HSP90AA1: variants seen among roughly 807,000 people sequenced by gnomAD.
The protein encoded by HSP90AA1 is heat shock protein 90 alpha family class A member 1.
A neutral mutation model predicts 73.3 loss-of-function variants in HSP90AA1; 18 were observed. That is an observed-to-expected ratio of 0.25 (90% confidence interval 0.17 to 0.36). The LOEUF is 0.36. HSP90AA1 is among the 10% of genes least tolerant of loss of function. The pLI, the probability that HSP90AA1 is intolerant of heterozygous loss-of-function variation, is 1.00. For synonymous variants in HSP90AA1, 477 were observed against 296.9 expected, an observed-to-expected ratio of 1.61 and a Z score of -6.24; for missense variants, 704 against 874.2, an observed-to-expected ratio of 0.81 and a Z score of 2.45.
intron 1 of HSP90AA1, among the ~76,000 whole-genome samples, chr14:102,129,794 C>T (rs1303941413): frequency 9.1e-6 from 1 of 110,262 alleles, no homozygotes; most frequent in Non-Finnish European, 2.2e-5. Context: ...TGAGCCACCA[C>T]GCCCGACAAC....
intron 1 of HSP90AA1, among the ~76,000 whole-genome samples, chr14:102,134,161 A>T (rs1438919194): frequency 6.6e-6 from 1 of 151,138 alleles, no homozygotes; most frequent in Non-Finnish European, 1.5e-5. Context: ...AAAAAAAAAA[A>T]ACCCCGTCTC....
rs2049080489 is a variant in HSP90AA1 at position 102,080,759 on chromosome 14, C to G, written c.*953G>C. 3 of 212,352 alleles carry G rather than the reference C, an allele frequency of 1.4e-5. No homozygotes were observed. Among genetic ancestry groups the G allele is most frequent in the Non-Finnish European group, 2.9e-5 (3 of 104,846 alleles). 13.2% of individuals were successfully genotyped at this position (212,352 alleles called of 1,614,324 possible). ...ACTGTAAGGCCAAGGAATTAAGTGA[C>G]TGTATTTAACACAGAAGGTATTCCA... On this transcript the variant is annotated 3_prime_UTR_variant, in exon 11 of 11. Coordinates refer to ENST00000216281, the MANE Select transcript of HSP90AA1 (RefSeq NM_005348.4).
At chr14:102,099,639 A>G (rs2049468331) in intron 2 of HSP90AA1, among the ~76,000 whole-genome samples, 1 of 152,230 alleles carries the variant, frequency 6.6e-6, no homozygotes, top group Non-Finnish European at 1.5e-5. Flanking sequence ...ACATTAAAAC[A>G]GCTAGCTAAT....
intron 1 of HSP90AA1, among the ~76,000 whole-genome samples, chr14:102,137,970 G>A (rs545537566): frequency 6.6e-6 from 1 of 150,750 alleles, no homozygotes; most frequent in South Asian, 2.1e-4. Flanking sequence ...AGCCAAGATT[G>A]CACCACTGCA....
rs75641214 is a variant in HSP90AA1 at position 102,084,662 on chromosome 14, G to GCA, written c.981+17_981+18dup. 2.1e-4 allele frequency: 340 copies of GCA among 1,613,854 alleles called. No homozygotes were observed. The highest frequency in any genetic ancestry group is 2.7e-4 in the Admixed American group (16 of 59,984). Reference sequence around the variant, plus strand: ...ATGATAATCTAAGGACAAGCTTGAAGCACCCATCAGTCACTCACCTTCACT... The same window carrying GCA: ...ATGATAATCTAAGGACAAGCTTGAAGCACACCCATCAGTCACTCACCTTCACT... On this transcript the variant is annotated intron_variant, in intron 5 of 10. Transcript: ENST00000216281.
At chr14:102,089,379 C>T (rs1242177991), upstream of HSP90AA1, among the ~76,000 whole-genome samples, 2 of 152,170 alleles carry the variant, frequency 1.3e-5, no homozygotes, top group Admixed American at 6.5e-5. Flanking sequence ...TCCACAACTT[C>T]TTGTCTTTCC....
At chr14:102,116,020 C>T (rs1406054207) in intron 1 of HSP90AA1, among the ~76,000 whole-genome samples, 1 of 149,210 alleles carries the variant, frequency 6.7e-6, no homozygotes, top group Non-Finnish European at 1.5e-5. Flanking sequence ...GGTGCCATCT[C>T]GTCTCACTGC....
chr14:102,132,891 T>C (rs545576310), intron 1 of HSP90AA1, among the ~76,000 whole-genome samples: 40 of 149,670 alleles, frequency 2.7e-4, no homozygotes, highest in African/African-American at 8.9e-4. Context: ...ACCCGGGAGG[T>C]GGAGGTTGCA....
intron 1 of HSP90AA1, chr14:102,139,200 C>T (rs201295021): frequency 6.2e-7 from 1 of 1,608,204 alleles, no homozygotes; most frequent in Non-Finnish European, 8.5e-7. Flanking sequence ...CTCCCCCTAC[C>T]CCGCCTGAAA....
At chr14:102,121,526 T>G (rs2049778642) in intron 1 of HSP90AA1, among the ~76,000 whole-genome samples, 1 of 152,230 alleles carries the variant, frequency 6.6e-6, no homozygotes, top group African/African-American at 2.4e-5. Flanking sequence ...TTCTCACTAA[T>G]GGAAAATCAA....
chr14:102,097,777 C>A (rs1432065373), intron 2 of HSP90AA1, among the ~76,000 whole-genome samples: 2 of 152,144 alleles, frequency 1.3e-5, no homozygotes, highest in Non-Finnish European at 2.9e-5. Flanking sequence ...GCCTATGTGG[C>A]CAATTGACCA....
In HSP90AA1 at chr14:102,081,417, G is replaced by A. The variant is rs2049095223; in HGVS notation, c.*295C>T. 2 of 434,472 alleles carry A rather than the reference G, an allele frequency of 4.6e-6. No homozygotes were observed. The highest frequency in any genetic ancestry group is 8.3e-6 in the Non-Finnish European group (2 of 240,586). The allele number at this position is 434,472 out of a possible 1,614,324, so 26.9% of individuals were successfully genotyped here. A position where few individuals can be genotyped will look rare whatever the true frequency, so the allele number is the denominator to read the frequency against. On this transcript the variant is annotated 3_prime_UTR_variant, in exon 11 of 11. Transcript: ENST00000216281. The stretch of plus-strand genomic sequence containing the variant: ...GTCTACTTAGGCATCCGGCTTGACA[G>A]CTAAACACTTTAGACCACAAAGTTA...
chr14:102,127,142 G>A (rs1432326644), intron 1 of HSP90AA1, among the ~76,000 whole-genome samples: 1 of 151,050 alleles, frequency 6.6e-6, no homozygotes, highest in Non-Finnish European at 1.5e-5. Flanking sequence ...TAGCATACTA[G>A]CTCTTTAAAA....
intron 1 of HSP90AA1, among the ~76,000 whole-genome samples, chr14:102,134,808 T>G (rs145721947): frequency 6.6e-6 from 1 of 152,262 alleles, no homozygotes; most frequent in East Asian, 1.9e-4. Context: ...ACAAAGCTTC[T>G]ACAGTGCGGA....
rs1258364014 is a variant in HSP90AA1 at position 102,081,776 on chromosome 14, A to G, written c.2135T>C (p.Val712Ala). The G allele has an allele frequency of 1.3e-6, 2 of 1,593,712 alleles. No homozygotes were observed. The highest frequency in any genetic ancestry group is 1.3e-5 in the African/African-American group (1 of 74,624). Reference sequence around the variant, plus strand: ...TTCAAGGGGTGGCATTTCTTCAGTTACAGCAGCACTGGTATCATCAGCAGT... The same window carrying G: ...TTCAAGGGGTGGCATTTCTTCAGTTGCAGCAGCACTGGTATCATCAGCAGT... Reference protein sequence around the residue: ...DPTADDTSAAVTEEMPPLEGD... With the variant: ...DPTADDTSAAATEEMPPLEGD... Residue 712 changes from valine (V) to alanine (A), a missense_variant, in exon 11 of 11, where the codon GTA becomes GCA. Transcript: ENST00000216281.
chr14:102,127,678 G>A (rs987518553), intron 1 of HSP90AA1, among the ~76,000 whole-genome samples: 10 of 152,046 alleles, frequency 6.6e-5, no homozygotes, highest in Admixed American at 4.6e-4. Flanking sequence ...TTGAGTCAAG[G>A]TCTTGTTCTG....
In HSP90AA1 at chr14:102,084,923, T is replaced by C. The variant is rs920459104; in HGVS notation, c.739A>G (p.Lys247Glu). The change falls in exon 5 of 11, where the codon AAA (lysine) becomes GAA (glutamate). Residue 247 changes from lysine (K) to glutamate (E), a missense_variant. Coordinates refer to ENST00000216281, the MANE Select transcript of HSP90AA1 (RefSeq NM_005348.4). The stretch of plus-strand genomic sequence containing the variant: ...TTGTCTTCCGACTCTTTCTCTTCTT[T>C]TTCTTTTTCTTCTTCTTTGTCTTCC... ...EKEDKEEEKE[K>E]EEKESEDKPE... 1.3e-6 allele frequency: 2 copies of C among 1,582,806 alleles called. No individual in the cohort carries two copies. The highest frequency in any genetic ancestry group is 1.7e-6 in the Non-Finnish European group (2 of 1,157,960).
upstream of HSP90AA1, among the ~76,000 whole-genome samples, chr14:102,089,747 T>A (rs1189325195): frequency 2.6e-5 from 4 of 152,066 alleles, no homozygotes; most frequent in Admixed American, 2.6e-4. Context: ...TCACTGACTA[T>A]CCCACCTTAA....
At chr14:102,091,817 AGGTCTTGCCATATTACCCAGGCT>A (rs2049362256), upstream of HSP90AA1, among the ~76,000 whole-genome samples, 1 of 151,832 alleles carries the variant, frequency 6.6e-6, no homozygotes, top group South Asian at 2.1e-4. Flanking sequence ...TGTAGAGATG[AGGTCTTGCCATATTACCCAGGCT>A]GGTCTTGAAC....
Sources: gnomAD v4.1 joint callset for allele counts (sites outside exome capture counted in the v4.1 genomes callset) on GRCh38, gnomAD v4.1.1 for gene constraint, MANE v1.5 for transcripts, NCBI Gene and HGNC (gene_info 2026-07-23, HGNC 2026-07-21) for gene names.